ZCCHC4: variants seen among roughly 807,000 people sequenced by gnomAD.
ZCCHC4 encodes rRNA N(6)-adenosine-methyltransferase ZCCHC4.
A neutral mutation model predicts 67.7 loss-of-function variants in ZCCHC4; 54 were observed. That is an observed-to-expected ratio of 0.80 (90% CI 0.64 to 1.00). The LOEUF (loss-of-function observed/expected upper bound fraction) is 1.00. Among genes scored for constraint, ZCCHC4 ranks in the 50% least tolerant of loss-of-function variants. The pLI, the probability that ZCCHC4 is intolerant of heterozygous loss-of-function variation, is 0.00. For missense variants in ZCCHC4, 609 were observed against 617.0 expected, an observed-to-expected ratio of 0.99 and a Z score of 0.14; for synonymous variants, 198 against 213.5, an observed-to-expected ratio of 0.93 and a Z score of 0.63.
chr4:25,316,388 C>T (rs575157301), intron 3 of ZCCHC4, among the ~76,000 whole-genome samples: 50 of 152,236 alleles, frequency 3.3e-4, no homozygotes, highest in African/African-American at 1.1e-3. Context: ...TTTGAGGAAC[C>T]GCCAAACTGT....
rs371860891 is a variant in ZCCHC4, at chr4:25,346,200, T to C, written c.759+580T>C. Among the ~76,000 whole-genome samples the C allele has an allele frequency of 3.9e-5, 6 of 152,056 alleles. No individual in the cohort carries two copies. In the South Asian group the frequency reaches 1.2e-3, roughly 32 times the overall value. ...ATCTCTATTCCTTCCTCTCACTTTT[T>C]CTGTGAACCTCAAACTGCTCTAAAA... On this transcript the variant is annotated intron_variant, in intron 6 of 12. Coordinates refer to ENST00000302874, the MANE Select transcript of ZCCHC4 (RefSeq NM_024936.3).
At chr4:25,364,433 A>G in intron 10 of ZCCHC4, 21 bp from the exon 11 acceptor site, 1 of 1,485,558 alleles carries the variant, frequency 6.7e-7, no homozygotes, top group East Asian at 2.4e-5. Context: ...ATAATTTAAA[A>G]ATTGTTTTTT....
At chr4:25,319,657 T>G (rs1718475865) in intron 3 of ZCCHC4, among the ~76,000 whole-genome samples, 1 of 152,088 alleles carries the variant, frequency 6.6e-6, no homozygotes. Context: ...CTATTATAAT[T>G]TTGGCTTTTT....
At chr4:25,348,391 A>G (rs929274740) in intron 6 of ZCCHC4, among the ~76,000 whole-genome samples, 3 of 152,206 alleles carry the variant, frequency 2.0e-5, no homozygotes, top group Non-Finnish European at 4.4e-5. Flanking sequence ...GTCATTTTGT[A>G]TACTGTGTTG....
rs765676998 is a variant in ZCCHC4, at chr4:25,312,888, G to A, written c.79G>A (p.Val27Met). ...AGCRGSSGME[V>M]VLPLDPAVPA... ...GTGCCGGGGAAGCTCGGGAATGGAGGTGGTGCTTCCTTTGGATCCTGCCGT... is the reference window on the plus strand; with the variant it reads ...GTGCCGGGGAAGCTCGGGAATGGAGATGGTGCTTCCTTTGGATCCTGCCGT... The change falls in exon 1 of 13, where the codon GTG (valine) becomes ATG (methionine). Residue 27 changes from valine (V) to methionine (M), a missense_variant. By Grantham distance (21) the Val-to-Met change is conservative. Transcript: ENST00000302874. 3.7e-6 allele frequency: 6 copies of A among 1,612,972 alleles called. No individual in the cohort carries two copies. Among genetic ancestry groups the A allele is most frequent in the Non-Finnish European group, 4.2e-6 (5 of 1,180,014 alleles).
At chr4:25,319,083 A>G (rs1416318586) in intron 3 of ZCCHC4, among the ~76,000 whole-genome samples, 1 of 152,236 alleles carries the variant, frequency 6.6e-6, no homozygotes, top group African/African-American at 2.4e-5. Context: ...TACAGTATTC[A>G]TAGAAAAGGC....
chr4:25,361,139 G>C (rs751055816), intron 8 of ZCCHC4, among the ~76,000 whole-genome samples: 19 of 152,250 alleles, frequency 1.2e-4, no homozygotes, highest in Non-Finnish European at 2.5e-4. Flanking sequence ...GGGGACAAAA[G>C]GTAATCTGTT....
chr4:25,351,807 A>G (rs1720312917), intron 8 of ZCCHC4, 118 bp downstream of exon 8: 5 of 1,024,232 alleles, frequency 4.9e-6, no homozygotes, highest in African/African-American at 1.6e-5. Flanking sequence ...CACTAATATT[A>G]TACCATATAT....
chr4:25,363,398 G>A (rs879402553), intron 10 of ZCCHC4, among the ~76,000 whole-genome samples: 1 of 152,120 alleles, frequency 6.6e-6, no homozygotes, highest in African/African-American at 2.4e-5. Flanking sequence ...ACCACAACTT[G>A]TTTACTCATT....
intron 3 of ZCCHC4, among the ~76,000 whole-genome samples, chr4:25,327,311 T>C (rs988463964): frequency 2.0e-5 from 3 of 152,170 alleles, no homozygotes; most frequent in African/African-American, 7.2e-5. Flanking sequence ...GTGTTAGCAA[T>C]AGGTTTTTCT....
At chr4:25,324,544 C>T (rs1424798517) in intron 3 of ZCCHC4, among the ~76,000 whole-genome samples, 1 of 152,104 alleles carries the variant, frequency 6.6e-6, no homozygotes, top group Admixed American at 6.5e-5. Context: ...TGTATGGACT[C>T]ATGGTTTTAT....
At position 25,367,294 on chromosome 4, in the gene ZCCHC4, C is replaced by T. The variant is rs12503682; in HGVS notation, c.1407-1735C>T. ...ATACTAGGTCAATTTAATTTTAAGA[C>T]AAAATAAAACTGACTTATAGTCAGT... is the stretch of plus-strand genomic sequence containing the variant. On this transcript the variant is annotated intron_variant, in intron 12 of 12. Coordinates refer to ENST00000302874, the MANE Select transcript of ZCCHC4 (RefSeq NM_024936.3). 0.014 allele frequency among the ~76,000 whole-genome samples: 2,153 copies of T among 152,142 alleles called. 95 individuals carry two copies. The East Asian group carries it at 0.15, about 11-fold the overall frequency.
intron 8 of ZCCHC4, 72 bp downstream of exon 8, chr4:25,351,761 C>T (rs1230789205): frequency 1.5e-6 from 2 of 1,314,818 alleles, no homozygotes; most frequent in African/African-American, 3.0e-5. Context: ...TAAGACTATT[C>T]ATTGATTTTA....
At chr4:25,344,109 A>G (rs993331874) in intron 5 of ZCCHC4, among the ~76,000 whole-genome samples, 13 of 152,180 alleles carry the variant, frequency 8.5e-5, no homozygotes, top group Non-Finnish European at 1.6e-4. Context: ...ACAGTTAAGA[A>G]ATATAGAAAG....
chr4:25,330,524 G>A (rs764148296), intron 3 of ZCCHC4, among the ~76,000 whole-genome samples: 16 of 152,252 alleles, frequency 1.1e-4, no homozygotes, highest in South Asian at 2.1e-4. Context: ...CTATTCACTT[G>A]GCTGTGTTTG....
chr4:25,319,380 G>T (rs1287836819), intron 3 of ZCCHC4, among the ~76,000 whole-genome samples: 1 of 151,470 alleles, frequency 6.6e-6, no homozygotes, highest in Non-Finnish European at 1.5e-5. Flanking sequence ...GCGAGACTCC[G>T]TCTCAAAGAA....
At chr4:25,327,520 C>T (rs147324630) in intron 3 of ZCCHC4, among the ~76,000 whole-genome samples, 1 of 152,028 alleles carries the variant, frequency 6.6e-6, no homozygotes, top group African/African-American at 2.4e-5. Context: ...TGCTCTGTCA[C>T]CCAGATTGGA....
chr4:25,333,335 T>C lies in ZCCHC4; in HGVS notation c.482T>C (p.Leu161Pro). ...ITQLRRPSQL[L>P]YPLENKKTNA... Reference sequence around the variant, plus strand: ...CAGTTAAGAAGGCCCAGTCAACTCCTTTATCCACTGGAAAACAAGAAGACA... The same window carrying C: ...CAGTTAAGAAGGCCCAGTCAACTCCCTTATCCACTGGAAAACAAGAAGACA... The change falls in exon 4 of 13, where the codon CTT becomes CCT. Residue 161 changes from leucine to proline, a missense_variant. Coordinates refer to ENST00000302874, the MANE Select transcript of ZCCHC4 (RefSeq NM_024936.3). The C allele has an allele frequency of 6.2e-7, 1 of 1,614,146 alleles. No homozygotes were observed.
intron 7 of ZCCHC4, among the ~76,000 whole-genome samples, chr4:25,350,381 C>T (rs1720247960): frequency 6.6e-6 from 1 of 151,266 alleles, no homozygotes; most frequent in Non-Finnish European, 1.5e-5. Flanking sequence ...CTGCCTTAGC[C>T]TCCTGAGTAG....
Sources: gnomAD v4.1 joint callset for allele counts (sites outside exome capture counted in the v4.1 genomes callset) on GRCh38, gnomAD v4.1.1 for gene constraint, MANE v1.5 for transcripts, NCBI Gene and HGNC (gene_info 2026-07-23, HGNC 2026-07-21) for gene names.